RELL1: variants seen among roughly 807,000 people sequenced by gnomAD.
RELL1 encodes RELT like 1.
A neutral mutation model predicts 23.0 loss-of-function variants in RELL1; 10 were observed. The ratio of observed to expected loss-of-function variants is 0.43; its 90% CI spans 0.27 to 0.74. RELL1 has a LOEUF of 0.74. Ranked by LOEUF, RELL1 falls within the 30% of genes least tolerant of loss-of-function variation. The pLI is 0.19. For synonymous variants in RELL1, 146 were observed against 146.8 expected, an observed-to-expected ratio of 0.99 and a Z score of 0.04; for missense variants, 315 against 364.4, an observed-to-expected ratio of 0.86 and a Z score of 1.10.
chr4:37,671,084 C>T (rs1282641458), intron 1 of RELL1, among the ~76,000 whole-genome samples: 2 of 152,202 alleles, frequency 1.3e-5, no homozygotes, highest in Admixed American at 6.5e-5. Flanking sequence ...TACCACCTAG[C>T]ATTTAGTGCA....
intron 1 of RELL1, among the ~76,000 whole-genome samples, chr4:37,669,661 G>A (rs995951908): frequency 5.9e-5 from 9 of 152,176 alleles, no homozygotes; most frequent in African/African-American, 2.2e-4. Flanking sequence ...GGTAGACATG[G>A]GAGACTTTTC....
At chr4:37,662,502 A>C (rs1395919232) in intron 1 of RELL1, among the ~76,000 whole-genome samples, 9 of 152,018 alleles carry the variant, frequency 5.9e-5, no homozygotes, top group Admixed American at 5.9e-4. Flanking sequence ...TGGGGCACTC[A>C]GAGCATTCCT....
intron 5 of RELL1, 30 bp from the exon 6 acceptor site, chr4:37,631,553 G>T: frequency 6.2e-6 from 10 of 1,605,378 alleles, no homozygotes; most frequent in Non-Finnish European, 8.5e-6. Flanking sequence ...AGGTGATGGG[G>T]TTTGCTTTTC....
intron 6 of RELL1, among the ~76,000 whole-genome samples, chr4:37,625,991 A>G (rs1719923780): frequency 6.6e-6 from 1 of 152,178 alleles, no homozygotes; most frequent in South Asian, 2.1e-4. Context: ...ATATGAAAAA[A>G]AGGCTCAACA....
At chr4:37,666,733 G>A (rs1055745579) in intron 1 of RELL1, among the ~76,000 whole-genome samples, 3 of 152,184 alleles carry the variant, frequency 2.0e-5, no homozygotes, top group Non-Finnish European at 4.4e-5. Flanking sequence ...CACTGCTCAG[G>A]TGGTACCACA....
chr4:37,591,053 G>C, exon 7 of RELL1: 2 of 1,445,018 alleles, frequency 1.4e-6, no homozygotes, highest in Non-Finnish European at 1.9e-6. Context: ...GCATGCAGAT[G>C]CATTTGCTCC....
At chr4:37,617,581 G>A (rs1196839762) in intron 6 of RELL1, among the ~76,000 whole-genome samples, 3 of 152,108 alleles carry the variant, frequency 2.0e-5, no homozygotes, top group Non-Finnish European at 4.4e-5. Context: ...TCAGGAGTTC[G>A]AGACCAGCCT....
At chr4:37,592,400 G>A (rs1432562108) in intron 6 of RELL1, among the ~76,000 whole-genome samples, 1 of 150,810 alleles carries the variant, frequency 6.6e-6, no homozygotes, top group Non-Finnish European at 1.5e-5. Flanking sequence ...TATACTCAAG[G>A]AAGGGACCGA....
chr4:37,656,270 C>T (rs1389473936), intron 1 of RELL1, among the ~76,000 whole-genome samples: 2 of 152,166 alleles, frequency 1.3e-5, no homozygotes, highest in Non-Finnish European at 2.9e-5. Flanking sequence ...AAATACTATA[C>T]AATTCTGTTT....
At chr4:37,618,820 T>C (rs2109240407) in intron 6 of RELL1, among the ~76,000 whole-genome samples, 1 of 152,346 alleles carries the variant, frequency 6.6e-6, no homozygotes, top group East Asian at 1.9e-4. Context: ...TGTGGGATAA[T>C]GTCCATCTCC....
intron 1 of RELL1, among the ~76,000 whole-genome samples, chr4:37,678,700 T>C (rs1312856014): frequency 2.0e-5 from 3 of 152,270 alleles, no homozygotes; most frequent in African/African-American, 7.2e-5. Flanking sequence ...ATAATAATAA[T>C]ACACTTTTTC....
chr4:37,684,744 G>A (rs1722340960), intron 1 of RELL1, among the ~76,000 whole-genome samples: 1 of 152,034 alleles, frequency 6.6e-6, no homozygotes, highest in African/African-American at 2.4e-5. Flanking sequence ...CTTGAGGTCG[G>A]GAGTTCGAGA....
chr4:37,634,318 C>T (rs1720240350), intron 5 of RELL1, among the ~76,000 whole-genome samples: 1 of 152,270 alleles, frequency 6.6e-6, no homozygotes, highest in South Asian at 2.1e-4. Flanking sequence ...AGATCCACGT[C>T]TTCTCCCTTC....
chr4:37,669,471 G>A (rs1371832641), intron 1 of RELL1, among the ~76,000 whole-genome samples: 2 of 151,180 alleles, frequency 1.3e-5, no homozygotes, highest in Non-Finnish European at 3.0e-5. Context: ...GCCTCTGCCC[G>A]GCCACCCCTA....
At chr4:37,665,182 C>T (rs781146639) in intron 1 of RELL1, 4 of 449,982 alleles carry the variant, frequency 8.9e-6, no homozygotes, top group Non-Finnish European at 1.8e-5. Flanking sequence ...TTTGGTAGAA[C>T]AGAATATCCA....
chr4:37,589,390 A>G (rs1224868886), downstream of RELL1, among the ~76,000 whole-genome samples: 1 of 152,134 alleles, frequency 6.6e-6, no homozygotes, highest in African/African-American at 2.4e-5. Flanking sequence ...TCATACTGTG[A>G]TGTTTGGCTT....
At chr4:37,680,467 C>T (rs1437305260) in intron 1 of RELL1, among the ~76,000 whole-genome samples, 1 of 152,146 alleles carries the variant, frequency 6.6e-6, no homozygotes, top group East Asian at 1.9e-4. Context: ...CAAATAGATA[C>T]ATAGAAGTAA....
chr4:37,617,058 T>C (rs1204824942), intron 6 of RELL1, among the ~76,000 whole-genome samples: 2 of 152,240 alleles, frequency 1.3e-5, no homozygotes, highest in African/African-American at 4.8e-5. Flanking sequence ...TAAAGGCTCT[T>C]GTTTAACAAA....
At position 37,631,405 on chromosome 4, in the gene RELL1, G is replaced by T. The variant is rs200027576; in HGVS notation, c.799C>A (p.Arg267Ser). ...EVPATPVKRE[R>S]SGTE ...CTCACCTGCTACTCTGTGCCACTGC[G>T]TTCTCTCTTCACAGGTGTTGCCGGC... The change falls in exon 6 of 7, where the codon CGC becomes AGC. Residue 267 changes from arginine to serine, a missense_variant. Arg to Ser is a moderately radical substitution (Grantham distance 110). Transcript: ENST00000454158. The T allele has an allele frequency of 6.2e-7, 1 of 1,613,768 alleles. No individual in the cohort carries two copies. The highest frequency in any genetic ancestry group is 1.3e-5 in the African/African-American group (1 of 74,880).
Sources: allele counts gnomAD v4.1 joint callset (sites outside exome capture counted in the v4.1 genomes callset), GRCh38; gene constraint gnomAD v4.1.1; transcripts MANE v1.5; gene names NCBI Gene and HGNC (gene_info 2026-07-23, HGNC 2026-07-21).